DLG2: variants seen among roughly 807,000 people sequenced by gnomAD.
The protein encoded by DLG2 is discs large MAGUK scaffold protein 2.
A neutral mutation model predicts 132.5 loss-of-function variants in DLG2; 45 were observed. The observed-to-expected ratio is 0.34, with a 90% CI of 0.27 to 0.44. The LOEUF is 0.44. Among genes scored for constraint, DLG2 ranks in the 20% least tolerant of loss-of-function variants. The probability of loss-of-function intolerance (pLI) is 1.00; values close to 1 mark genes in which losing one functional copy is unlikely to be tolerated. For synonymous variants in DLG2, 424 were observed against 419.6 expected (o/e 1.01, Z -0.13); for missense variants, 1,045 against 1,196.9 (o/e 0.87, Z 1.87).
intron 6 of DLG2, among the ~76,000 whole-genome samples, chr11:84,807,644 A>T (rs1375101505): frequency 6.6e-6 from 1 of 152,210 alleles, no homozygotes; most frequent in Non-Finnish European, 1.5e-5. Context: ...AGGCAGGTTG[A>T]AAGTGAAAAA....
Position 85,532,453 on chromosome 11 carries a change from G to A in DLG2, c.40+66204C>T, listed in dbSNP as rs565721263. ...CTGCTATCCTCTATACTTCCTTGTAGAAATACTGATTCAGAAATATGATGT... is the reference window on the plus strand; with the variant it reads ...CTGCTATCCTCTATACTTCCTTGTAAAAATACTGATTCAGAAATATGATGT... On this transcript the variant is annotated intron_variant, in intron 3 of 27. Transcript: ENST00000376104. Among the ~76,000 whole-genome samples the A allele has an allele frequency of 2.3e-4, 35 of 152,294 alleles. No individual in the cohort carries two copies. The South Asian group carries it at 5.4e-3, about 23-fold the overall frequency.
At chr11:85,412,177 T>TA (rs2089371622) in intron 3 of DLG2, among the ~76,000 whole-genome samples, 1 of 151,806 alleles carries the variant, frequency 6.6e-6, no homozygotes, top group Non-Finnish European at 1.5e-5. Context: ...GTCGGCTCAA[T>TA]AAGACTGAAG....
chr11:83,984,207 T>C (rs1005444544), intron 11 of DLG2, among the ~76,000 whole-genome samples: 13 of 144,120 alleles, frequency 9.0e-5, no homozygotes, highest in Non-Finnish European at 1.5e-4. Context: ...GATAGATAGA[T>C]AGATAGATAG....
At chr11:83,911,525 C>G (rs1012633363) in intron 15 of DLG2, among the ~76,000 whole-genome samples, 1 of 151,816 alleles carries the variant, frequency 6.6e-6, no homozygotes, top group East Asian at 1.9e-4. Flanking sequence ...CAGATCAGCT[C>G]CTCTGTATAC....
At chr11:84,308,099 T>C (rs2098246187) in intron 7 of DLG2, among the ~76,000 whole-genome samples, 3 of 152,146 alleles carry the variant, frequency 2.0e-5, no homozygotes, top group Non-Finnish European at 2.9e-5. Flanking sequence ...CACTGCTGGC[T>C]CTGGGAGCAG....
chr11:83,590,147 A>G (rs1474708010), intron 19 of DLG2, among the ~76,000 whole-genome samples: 1 of 146,178 alleles, frequency 6.8e-6, no homozygotes. Flanking sequence ...GACCTAATAG[A>G]CATCTACAGA....
rs184097996 is a variant in DLG2 at position 83,995,280 on chromosome 11, T to C, written c.920-14638A>G. 1.0e-3 allele frequency among the ~76,000 whole-genome samples: 156 copies of C among 152,174 alleles called. 2 individuals carry two copies. Among genetic ancestry groups the C allele is most frequent in the Admixed American group, 3.2e-3 (49 of 15,266 alleles). On this transcript the variant is annotated intron_variant, in intron 11 of 27. Coordinates refer to ENST00000376104, the MANE Select transcript of DLG2 (RefSeq NM_001142699.3). ...ATTGGAAAAAATGAAGAAAGGCAGG[T>C]TGTATCATGCAAAACTTCTGAACTT...
At chr11:84,819,321 C>T (rs1319993188) in intron 6 of DLG2, among the ~76,000 whole-genome samples, 1 of 151,904 alleles carries the variant, frequency 6.6e-6, no homozygotes, top group African/African-American at 2.4e-5. Flanking sequence ...ACAGAAAAAG[C>T]CAACTCTCTT....
chr11:83,460,979 T>C (rs1245951482), intron 27 of DLG2, among the ~76,000 whole-genome samples: 1 of 148,916 alleles, frequency 6.7e-6, no homozygotes, highest in African/African-American at 2.5e-5. Context: ...CATATGGTAA[T>C]CCAGGAAGAA....
chr11:84,747,125 G>T (rs1305753250), intron 6 of DLG2, among the ~76,000 whole-genome samples: 2 of 152,116 alleles, frequency 1.3e-5, no homozygotes, highest in Non-Finnish European at 2.9e-5. Context: ...TGTAGTTGAG[G>T]AATAAATACT....
At chr11:84,854,821 T>G (rs1266816028) in intron 6 of DLG2, among the ~76,000 whole-genome samples, 1 of 152,028 alleles carries the variant, frequency 6.6e-6, no homozygotes, top group Non-Finnish European at 1.5e-5. Flanking sequence ...CCCATAGTGA[T>G]TCTTTTATTG....
At chr11:85,437,388 A>C (rs1442503765) in intron 3 of DLG2, among the ~76,000 whole-genome samples, 5 of 152,174 alleles carry the variant, frequency 3.3e-5, no homozygotes, top group African/African-American at 4.8e-5. Flanking sequence ...TGTTTCATAC[A>C]TTGACTGCCA....
At chr11:84,846,028 C>T (rs78380724) in intron 6 of DLG2, among the ~76,000 whole-genome samples, 4,543 of 152,064 alleles carry the variant, frequency 0.03, 102 homozygotes, top group Non-Finnish European at 0.046. Flanking sequence ...TCTTTGCTGT[C>T]TTTTTTTCCT....
At chr11:84,011,629 A>C (rs1476652001) in intron 11 of DLG2, among the ~76,000 whole-genome samples, 7 of 152,104 alleles carry the variant, frequency 4.6e-5, no homozygotes, top group Non-Finnish European at 8.8e-5. Flanking sequence ...GGGCTAAGTC[A>C]AAGCTCTGCA....
chr11:85,207,440 C>G (rs2152563099), intron 4 of DLG2, among the ~76,000 whole-genome samples: 1 of 152,258 alleles, frequency 6.6e-6, no homozygotes, highest in East Asian at 1.9e-4. Flanking sequence ...AATGCAAAAA[C>G]TACTCCTTCT....
chr11:85,558,478 G>A (rs1396252416), intron 3 of DLG2, among the ~76,000 whole-genome samples: 1 of 151,818 alleles, frequency 6.6e-6, no homozygotes, highest in Non-Finnish European at 1.5e-5. Context: ...ATACCAAAAA[G>A]ATACCTGCAC....
At chr11:85,494,988 C>G (rs2093639313) in intron 3 of DLG2, among the ~76,000 whole-genome samples, 1 of 151,904 alleles carries the variant, frequency 6.6e-6, no homozygotes, top group Admixed American at 6.6e-5. Flanking sequence ...AACAAAGTCC[C>G]ACACATCAAT....
intron 17 of DLG2, among the ~76,000 whole-genome samples, chr11:83,801,330 G>A (rs1047315875): frequency 4.0e-5 from 6 of 151,812 alleles, no homozygotes; most frequent in Non-Finnish European, 7.4e-5. Context: ...CTTTTGACTC[G>A]GCAGCCAGAA....
At chr11:85,097,160 C>T (rs1458641352) in intron 6 of DLG2, among the ~76,000 whole-genome samples, 1 of 152,130 alleles carries the variant, frequency 6.6e-6, no homozygotes, top group Non-Finnish European at 1.5e-5. Flanking sequence ...AGGGTAGTTC[C>T]ACTTCTAAAA....
Sources: allele counts gnomAD v4.1 joint callset (sites outside exome capture counted in the v4.1 genomes callset), GRCh38; gene constraint gnomAD v4.1.1; transcripts MANE v1.5; gene names NCBI Gene and HGNC (gene_info 2026-07-23, HGNC 2026-07-21).